The following CEP20 variants were observed in gnomAD, a reference collection of about 807,000 sequenced individuals.
CEP20 encodes FGFR1OP N-terminal like.
Under a neutral mutation model 20.0 loss-of-function variants are expected in CEP20, and 18 were observed. That is an observed-to-expected ratio of 0.90 (90% CI 0.62 to 1.34). CEP20 has a LOEUF of 1.34. Ranked by LOEUF, CEP20 falls within the 40% of genes most tolerant of loss-of-function variation. The probability of loss-of-function intolerance (pLI) is 0.00; values close to 1 mark genes in which losing one functional copy is unlikely to be tolerated. For missense variants in CEP20, 215 were observed against 201.6 expected (o/e 1.07, Z -0.40); for synonymous variants, 77 against 73.7 (o/e 1.04, Z -0.23).
intron 1 of CEP20, among the ~76,000 whole-genome samples, chr16:15,886,619 T>TACCA (rs1276538068): frequency 6.6e-6 from 1 of 152,162 alleles, no homozygotes; most frequent in Non-Finnish European, 1.5e-5. Flanking sequence ...AGTGGTGGAT[T>TACCA]ACCAACCCAT....
chr16:15,881,278 A>G (rs2045091138), intron 2 of CEP20, among the ~76,000 whole-genome samples: 1 of 152,146 alleles, frequency 6.6e-6, no homozygotes, highest in Non-Finnish European at 1.5e-5. Context: ...TAATATGAAA[A>G]CTTGACTACT....
chr16:15,884,484 T>C (rs1303383905), intron 1 of CEP20, among the ~76,000 whole-genome samples: 1 of 151,066 alleles, frequency 6.6e-6, no homozygotes, highest in Non-Finnish European at 1.5e-5. Flanking sequence ...TGTAGTCTAA[T>C]ACATATTCTT....
intron 3 of CEP20, among the ~76,000 whole-genome samples, chr16:15,874,228 C>G (rs1407579969): frequency 2.0e-5 from 3 of 152,136 alleles, no homozygotes; most frequent in African/African-American, 7.2e-5. Flanking sequence ...CTGTGCCTGG[C>G]ACATATGAAA....
chr16:15,873,344 T>C, intron 4 of CEP20, 147 bp downstream of exon 4: 2 of 930,234 alleles, frequency 2.2e-6, no homozygotes, highest in Non-Finnish European at 2.9e-6. Context: ...AAGCATTCTG[T>C]TTCTTGGAGT....
chr16:15,878,992 G>A (rs540055577), intron 3 of CEP20, among the ~76,000 whole-genome samples: 100 of 149,998 alleles, frequency 6.7e-4, no homozygotes, highest in African/African-American at 2.4e-3. Context: ...TTTAAGCTAT[G>A]TTCTCAGGTC....
chr16:15,876,035 T>C (rs1358322768), intron 3 of CEP20, among the ~76,000 whole-genome samples: 2 of 150,468 alleles, frequency 1.3e-5, no homozygotes, highest in Non-Finnish European at 3.0e-5. Context: ...GAGGCAGAGG[T>C]TGCAGTGAGC....
intron 4 of CEP20, among the ~76,000 whole-genome samples, chr16:15,867,838 T>C (rs960044881): frequency 2.0e-5 from 3 of 151,868 alleles, no homozygotes; most frequent in African/African-American, 7.3e-5. Flanking sequence ...CCGGGCGTGG[T>C]GGCAGGCGCC....
rs11351295 is a variant in CEP20 at position 15,869,310 on chromosome 16, C to CT, written c.449-1795dup. Among the ~76,000 whole-genome samples, 506 of 118,150 alleles carry CT rather than the reference C, an allele frequency of 4.3e-3. 2 individuals carry two copies. Among genetic ancestry groups the CT allele is most frequent in the Non-Finnish European group, 5.1e-3 (301 of 58,542 alleles). The allele number at this position is 118,150 out of a possible 152,430, so 77.5% of individuals were successfully genotyped here. On this transcript the variant is annotated intron_variant, in intron 4 of 4. Coordinates refer to ENST00000255759, the MANE Select transcript of CEP20 (RefSeq NM_144600.4). ...TGCTTTGGACTTACTTCTTTCTTTC[C>CT]TTTTTTTTTTTTTTTTTTGAGACAG...
intron 4 of CEP20, among the ~76,000 whole-genome samples, chr16:15,872,015 A>G (rs986100200): frequency 6.6e-6 from 1 of 152,206 alleles, no homozygotes; most frequent in Non-Finnish European, 1.5e-5. Context: ...AACTGTCCTT[A>G]AAAATTGACC....
rs1470625763 is a variant in CEP20 at position 15,867,392 on chromosome 16, T to C, written c.*48A>G. 3 of 1,407,690 alleles carry C rather than the reference T, an allele frequency of 2.1e-6. No individual in the cohort carries two copies. Among genetic ancestry groups the C allele is most frequent in the African/African-American group, 2.9e-5 (2 of 68,896 alleles). 87.2% of individuals were successfully genotyped at this position (1,407,690 alleles called of 1,614,324 possible). ...TAACATTGGGACAATAAATAAGTTA[T>C]TTAATTAATAATACAATTTTAAGAC... is the stretch of plus-strand genomic sequence containing the variant. On this transcript the variant is annotated 3_prime_UTR_variant, in exon 5 of 5. Coordinates refer to ENST00000255759, the MANE Select transcript of CEP20 (RefSeq NM_144600.4).
rs760941095 is a variant in CEP20 at position 15,884,212 on chromosome 16, G to C, written c.29-7C>G. ...TCCAAGGTGTCCTTTAAAACTGTTC[G>C]ATATAAAATATTAAGGCTTCAGTTA... On this transcript the variant is annotated splice_region_variant and splice_polypyrimidine_tract_variant and intron_variant, in intron 1 of 4. Transcript: ENST00000255759. 10 of 1,588,810 alleles carry C rather than the reference G, an allele frequency of 6.3e-6. No individual in the cohort carries two copies. Among genetic ancestry groups the C allele is most frequent in the Non-Finnish European group, 8.6e-6 (10 of 1,164,532 alleles).
intron 3 of CEP20, among the ~76,000 whole-genome samples, chr16:15,876,066 CAAA>C (rs199971058): frequency 1.9e-4 from 18 of 96,746 alleles, no homozygotes; most frequent in Non-Finnish European, 2.1e-4. Flanking sequence ...TCATTGCACT[CAAA>C]AAAAAAAAAA....
chr16:15,885,893 A>G (rs999201562), intron 1 of CEP20: 2 of 152,240 alleles, frequency 1.3e-5, no homozygotes, highest in African/African-American at 4.8e-5. Flanking sequence ...ATTTGGCTGT[A>G]CATACTTAGT....
In CEP20 at chr16:15,873,762, C is replaced by A. The variant is rs140243838; in HGVS notation, c.312-135G>T. On this transcript the variant is annotated intron_variant, in intron 3 of 4. Coordinates refer to ENST00000255759, the MANE Select transcript of CEP20 (RefSeq NM_144600.4). ...AAGTGATTCACTAGACTTTAAAAAG[C>A]GGCATGATTATCCAAAATGCAAATT... is the stretch of plus-strand genomic sequence containing the variant. The A allele has an allele frequency of 1.9e-4, 193 of 1,028,852 alleles. No individual in the cohort carries two copies. The African/African-American group carries it at 2.8e-3, about 15-fold the overall frequency. 63.7% of individuals were successfully genotyped at this position (1,028,852 alleles called of 1,614,324 possible).
At position 15,865,740 on chromosome 16, in the gene CEP20, T is replaced by C. The variant is rs537369384; in HGVS notation, c.*1700A>G. Reference sequence around the variant, plus strand: ...AAAGTGACTTGCTTATTTTTTTTATTAAATGATACATTGAAAGTATAAAAA... The same window carrying C: ...AAAGTGACTTGCTTATTTTTTTTATCAAATGATACATTGAAAGTATAAAAA... On this transcript the variant is annotated 3_prime_UTR_variant, in exon 5 of 5. Coordinates refer to ENST00000255759, the MANE Select transcript of CEP20 (RefSeq NM_144600.4). 2 of 152,290 alleles carry C rather than the reference T, an allele frequency of 1.3e-5. No individual in the cohort carries two copies. The highest frequency in any genetic ancestry group is 3.9e-4 in the East Asian group (2 of 5,182). 9.4% of individuals were successfully genotyped at this position (152,290 alleles called of 1,614,324 possible).
chr16:15,867,836 G>C (rs1181897237), intron 4 of CEP20, among the ~76,000 whole-genome samples: 1 of 151,980 alleles, frequency 6.6e-6, no homozygotes, highest in Non-Finnish European at 1.5e-5. Flanking sequence ...ACCCGGGCGT[G>C]GTGGCAGGCG....
At chr16:15,868,218 A>G (rs2044732409) in intron 4 of CEP20, among the ~76,000 whole-genome samples, 1 of 150,276 alleles carries the variant, frequency 6.7e-6, no homozygotes, top group African/African-American at 2.5e-5. Flanking sequence ...AACCACTTCA[A>G]ATAGATCACC....
rs192523617 is a variant in CEP20, at chr16:15,866,240, A to G, written c.*1200T>C. 50 of 152,338 alleles carry G rather than the reference A, an allele frequency of 3.3e-4. No homozygotes were observed. The highest frequency in any genetic ancestry group is 1.2e-3 in the African/African-American group (48 of 41,582). 9.4% of individuals were successfully genotyped at this position (152,338 alleles called of 1,614,324 possible). On this transcript the variant is annotated 3_prime_UTR_variant, in exon 5 of 5. Transcript: ENST00000255759. ...ACTAGCATTGCCAAACAGAAAATCAAAAGTTTCAACAATTTGCAAAGCAGC... is the reference window on the plus strand; with the variant it reads ...ACTAGCATTGCCAAACAGAAAATCAGAAGTTTCAACAATTTGCAAAGCAGC...
At chr16:15,882,124 T>C (rs1597006034) in intron 2 of CEP20, among the ~76,000 whole-genome samples, 1 of 152,202 alleles carries the variant, frequency 6.6e-6, no homozygotes, top group Non-Finnish European at 1.5e-5. Flanking sequence ...TCCCCACCCT[T>C]GGCCCCTGCC....
Sources: allele counts gnomAD v4.1 joint callset (sites outside exome capture counted in the v4.1 genomes callset), GRCh38; gene constraint gnomAD v4.1.1; transcripts MANE v1.5; gene names NCBI Gene and HGNC (gene_info 2026-07-23, HGNC 2026-07-21).